Variants in SLC23A2 observed in about 807,000 individuals in gnomAD.
SLC23A2 encodes solute carrier family 23 member 2.
Under a neutral mutation model 73.3 loss-of-function variants are expected in SLC23A2, and 36 were observed. That is an observed-to-expected ratio of 0.49 (90% CI 0.38 to 0.65). The LOEUF is 0.65. Ranked by LOEUF, SLC23A2 falls within the 30% of genes least tolerant of loss-of-function variation. The pLI, the probability that SLC23A2 is intolerant of heterozygous loss-of-function variation, is 0.00. For synonymous variants in SLC23A2, 343 were observed against 327.3 expected, an observed-to-expected ratio of 1.05 and a Z score of -0.52; for missense variants, 507 against 841.6, an observed-to-expected ratio of 0.60 and a Z score of 4.92.
At chr20:4,879,746 T>C (rs1384564981) in intron 9 of SLC23A2, among the ~76,000 whole-genome samples, 19 of 152,206 alleles carry the variant, frequency 1.2e-4, no homozygotes, top group Admixed American at 1.2e-3. Context: ...CATTTTCTAA[T>C]ATTTGATCAT....
chr20:4,873,517 TA>T (rs1323122616), intron 11 of SLC23A2, among the ~76,000 whole-genome samples: 11 of 152,186 alleles, frequency 7.2e-5, no homozygotes, highest in African/African-American at 2.4e-4. Context: ...AGAGATTATA[TA>T]AATTCCATCA....
chr20:5,006,948 C>CGTGTGTGTGT (rs375441910), intron 1 of SLC23A2, among the ~76,000 whole-genome samples: 22 of 148,126 alleles, frequency 1.5e-4, no homozygotes, highest in African/African-American at 4.9e-4. Flanking sequence ...CCTGAAATGA[C>CGTGTGTGTGT]GTGTGTGTGT....
chr20:4,932,633 G>T lies in SLC23A2; in HGVS notation c.-71C>A. ...AAGTGAAGGCTTATTCAAGCTAGGA[G>T]CCCAGGATCAGCCGGCTCTTCTAGT... On this transcript the variant is annotated 5_prime_UTR_variant, in exon 3 of 17. Coordinates refer to ENST00000338244, the MANE Select transcript of SLC23A2 (RefSeq NM_005116.6). The T allele has an allele frequency of 1.1e-6, 1 of 870,962 alleles. No individual in the cohort carries two copies. The highest frequency in any genetic ancestry group is 2.0e-6 in the Non-Finnish European group (1 of 506,928). The allele number at this position is 870,962 out of a possible 1,614,324, so 54.0% of individuals were successfully genotyped here.
intron 2 of SLC23A2, among the ~76,000 whole-genome samples, chr20:4,946,198 G>T (rs746124644): frequency 1.6e-4 from 25 of 152,134 alleles, no homozygotes; most frequent in Non-Finnish European, 3.2e-4. Flanking sequence ...GGGAACATAG[G>T]TACCACTGCC....
In SLC23A2 at chr20:4,871,243, T is replaced by A. The variant is rs568848272; in HGVS notation, c.1103-1190A>T. Among the ~76,000 whole-genome samples the A allele has an allele frequency of 4.6e-5, 7 of 152,192 alleles. No individual in the cohort carries two copies. The South Asian group carries it at 1.5e-3, about 32-fold the overall frequency. On this transcript the variant is annotated intron_variant, in intron 11 of 16. Coordinates refer to ENST00000338244, the MANE Select transcript of SLC23A2 (RefSeq NM_005116.6). ...CAACGTAGCTGGGGACACAGGACACTCCAAAAGATCCAGGGAGAGGGAAAT... is the reference window on the plus strand; with the variant it reads ...CAACGTAGCTGGGGACACAGGACACACCAAAAGATCCAGGGAGAGGGAAAT...
chr20:4,951,013 C>G (rs2087193797), intron 2 of SLC23A2, among the ~76,000 whole-genome samples: 1 of 152,100 alleles, frequency 6.6e-6, no homozygotes, highest in African/African-American at 2.4e-5. Flanking sequence ...GGAGACCCAC[C>G]ACCACAAGCG....
chr20:4,933,864 G>A (rs1046017208), intron 2 of SLC23A2, among the ~76,000 whole-genome samples: 5 of 152,202 alleles, frequency 3.3e-5, no homozygotes, highest in African/African-American at 1.2e-4. Flanking sequence ...CCCTGCAAAT[G>A]TGAGGACAGG....
chr20:5,001,361 T>C (rs1211439092), intron 1 of SLC23A2, 45 bp downstream of exon 1: 1 of 146,036 alleles, frequency 6.8e-6, no homozygotes, highest in Admixed American at 6.8e-5. Flanking sequence ...CGCCGGCAGG[T>C]GCGGCCCGCA....
At chr20:4,997,728 A>T (rs2122360135) in intron 1 of SLC23A2, among the ~76,000 whole-genome samples, 1 of 152,294 alleles carries the variant, frequency 6.6e-6, no homozygotes, top group Admixed American at 6.5e-5. Context: ...GGGCTCAAGC[A>T]ATCCTCCCAC....
chr20:4,883,125 G>C lies in SLC23A2; in HGVS notation c.824+517C>G, dbSNP rs1441041610. On this transcript the variant is annotated intron_variant, in intron 9 of 16. Coordinates refer to ENST00000338244, the MANE Select transcript of SLC23A2 (RefSeq NM_005116.6). The surrounding 1 kb of genome is among the most constrained non-coding windows in gnomAD (Gnocchi z 4.5). ...CAAAAGGACAGGCACTGACTAGCAG[G>C]ACCCTGGCAGAAACTATGTCCCTCC... 6.6e-6 allele frequency among the ~76,000 whole-genome samples: 1 copy of C among 152,176 alleles called. No homozygotes were observed. Among genetic ancestry groups the C allele is most frequent in the Non-Finnish European group, 1.5e-5 (1 of 68,034 alleles).
chr20:4,935,077 T>G (rs1035405491), intron 2 of SLC23A2, among the ~76,000 whole-genome samples: 1 of 149,268 alleles, frequency 6.7e-6, no homozygotes, highest in African/African-American at 2.5e-5. Flanking sequence ...GTCCCAGCTA[T>G]TTGGGAGGCT....
At chr20:4,953,250 C>G (rs140682318) in intron 2 of SLC23A2, among the ~76,000 whole-genome samples, 2,674 of 151,622 alleles carry the variant, frequency 0.018, 83 homozygotes, top group African/African-American at 0.062. Context: ...AGACTGCAGT[C>G]AGCCAAGATA....
chr20:4,987,579 T>G (rs1297112803), intron 1 of SLC23A2, among the ~76,000 whole-genome samples: 1 of 152,152 alleles, frequency 6.6e-6, no homozygotes, highest in Non-Finnish European at 1.5e-5. Flanking sequence ...CCGGGCGCGG[T>G]GGCTCACGCC....
chr20:4,896,818 C>G (rs1454236882), intron 6 of SLC23A2, among the ~76,000 whole-genome samples: 1 of 152,230 alleles, frequency 6.6e-6, no homozygotes. Flanking sequence ...GCTAACAAAG[C>G]CATTGAATGC....
At chr20:4,966,958 A>T (rs1444959203) in intron 2 of SLC23A2, among the ~76,000 whole-genome samples, 1 of 152,066 alleles carries the variant, frequency 6.6e-6, no homozygotes, top group African/African-American at 2.4e-5. Flanking sequence ...GCCATAACCT[A>T]ATTTTCCACA....
At chr20:4,963,049 T>C (rs6052990) in intron 2 of SLC23A2, among the ~76,000 whole-genome samples, 60,603 of 151,496 alleles carry the variant, frequency 0.4, 12,351 homozygotes, top group Admixed American at 0.48. Flanking sequence ...AAACTAACAG[T>C]GGTAGTTGAA....
chr20:4,910,239 T>C (rs1264337039), intron 4 of SLC23A2, among the ~76,000 whole-genome samples: 1 of 152,046 alleles, frequency 6.6e-6, no homozygotes, highest in Non-Finnish European at 1.5e-5. Flanking sequence ...TAGCCTGGTA[T>C]GATGGCGTGC....
rs1269685286 is a variant in SLC23A2 at position 4,912,827 on chromosome 20, T to C, written c.207+53A>G. 2.5e-5 allele frequency: 29 copies of C among 1,155,128 alleles called. No homozygotes were observed. In the Admixed American group the frequency reaches 3.5e-4, roughly 14 times the overall value. 71.6% of individuals were successfully genotyped at this position (1,155,128 alleles called of 1,614,324 possible). ...TCCGGATCCAGATCCGGGGCAGCAC[T>C]TGTGGGAGGGGATGGCGGTGGGAGT... On this transcript the variant is annotated intron_variant, in intron 4 of 16. Coordinates refer to ENST00000338244, the MANE Select transcript of SLC23A2 (RefSeq NM_005116.6).
chr20:4,972,047 C>T (rs1200316044), intron 1 of SLC23A2, among the ~76,000 whole-genome samples: 1 of 152,140 alleles, frequency 6.6e-6, no homozygotes, highest in Non-Finnish European at 1.5e-5. Flanking sequence ...TATGTTTTAT[C>T]CACTCTTGTA....
Sources: gnomAD v4.1 joint callset for allele counts (sites outside exome capture counted in the v4.1 genomes callset) on GRCh38, gnomAD v4.1.1 for gene constraint, Gnocchi (gnomAD v3.1) non-coding constraint, MANE v1.5 for transcripts, NCBI Gene and HGNC (gene_info 2026-07-23, HGNC 2026-07-21) for gene names.